CNKSR3: variants seen among roughly 807,000 people sequenced by gnomAD.
The protein encoded by CNKSR3 is connector enhancer of kinase suppressor of ras 3.
In CNKSR3, 36 loss-of-function variants were observed where a neutral mutation model predicts 67.7. The observed-to-expected ratio is 0.53, with a 90% CI of 0.41 to 0.70. CNKSR3 has a LOEUF of 0.70. Ranked by LOEUF, CNKSR3 falls within the 30% of genes least tolerant of loss-of-function variation. CNKSR3 has a pLI of 0.00. For synonymous variants in CNKSR3, 281 were observed against 271.4 expected, an observed-to-expected ratio of 1.04 and a Z score of -0.35; for missense variants, 630 against 695.2, an observed-to-expected ratio of 0.91 and a Z score of 1.05.
intron 1 of CNKSR3, among the ~76,000 whole-genome samples, chr6:154,504,629 A>G (rs960453062): frequency 1.3e-5 from 2 of 152,176 alleles, no homozygotes; most frequent in African/African-American, 2.4e-5. Flanking sequence ...TAATTAGGGG[A>G]CCCTGAGCAA....
chr6:154,433,523 G>A lies in CNKSR3; in HGVS notation c.508-16C>T, dbSNP rs1286666183. 9.3e-5 allele frequency: 147 copies of A among 1,575,680 alleles called. No individual in the cohort carries two copies. The highest frequency in any genetic ancestry group is 1.2e-4 in the Non-Finnish European group (140 of 1,152,404). On this transcript the variant is annotated splice_polypyrimidine_tract_variant and intron_variant, in intron 4 of 12. Transcript: ENST00000607772. ...CAAAGCAATCCTAAAGAAGGGGATGGAGAAAATGAATACTAAGTACAAGAG... is the reference window on the plus strand; with the variant it reads ...CAAAGCAATCCTAAAGAAGGGGATGAAGAAAATGAATACTAAGTACAAGAG...
chr6:154,444,757 C>T (rs558687989), intron 2 of CNKSR3, among the ~76,000 whole-genome samples: 58 of 152,202 alleles, frequency 3.8e-4, no homozygotes, highest in African/African-American at 1.3e-3. Flanking sequence ...AGGCAAGTGC[C>T]ACCATGCTCA....
chr6:154,430,685 G>T, intron 5 of CNKSR3, 94 bp from the exon 6 acceptor site: 1 of 1,189,260 alleles, frequency 8.4e-7, no homozygotes, highest in Non-Finnish European at 1.2e-6. Context: ...ACCTATAATT[G>T]TTAGTTCTGG....
intron 1 of CNKSR3, among the ~76,000 whole-genome samples, chr6:154,451,789 G>A (rs1785838881): frequency 6.6e-6 from 1 of 152,094 alleles, no homozygotes; most frequent in South Asian, 2.1e-4. Flanking sequence ...GGAAGAGGAA[G>A]TAATAAAAAA....
intron 1 of CNKSR3, among the ~76,000 whole-genome samples, chr6:154,459,992 A>G (rs1386461471): frequency 1.3e-5 from 2 of 151,982 alleles, no homozygotes; most frequent in Non-Finnish European, 2.9e-5. Flanking sequence ...CTCAACCCCA[A>G]CCCCAACAGA....
intron 2 of CNKSR3, among the ~76,000 whole-genome samples, chr6:154,448,636 C>T (rs1347872627): frequency 6.6e-6 from 1 of 152,072 alleles, no homozygotes; most frequent in Non-Finnish European, 1.5e-5. Flanking sequence ...CAAATTCCTG[C>T]TTCCCAGACC....
intron 1 of CNKSR3, among the ~76,000 whole-genome samples, chr6:154,493,014 A>G (rs1786811906): frequency 6.6e-6 from 1 of 152,178 alleles, no homozygotes; most frequent in South Asian, 2.1e-4. Context: ...CAAAGCCACC[A>G]TTATCATTTT....
rs1464040241 is a variant in CNKSR3 at position 154,390,852 on chromosome 6, G to A, written c.*15502C>T. ...GTCTCACTCTGTTGCCCAGGCTGGA[G>A]TGCAGTGGCTCCATCTCGGCTCACT... On this transcript the variant is annotated 3_prime_UTR_variant, in exon 13 of 13. Coordinates refer to ENST00000607772, the MANE Select transcript of CNKSR3 (RefSeq NM_173515.4). 2.8e-5 allele frequency: 4 copies of A among 145,162 alleles called. No individual in the cohort carries two copies. The highest frequency in any genetic ancestry group is 7.2e-5 in the Admixed American group (1 of 13,808). The allele number at this position is 145,162 out of a possible 1,614,324, so 9.0% of individuals were successfully genotyped here.
At chr6:154,448,379 C>G (rs1382682238) in intron 2 of CNKSR3, among the ~76,000 whole-genome samples, 1 of 138,488 alleles carries the variant, frequency 7.2e-6, no homozygotes, top group African/African-American at 2.7e-5. Flanking sequence ...GCAGAAAAGA[C>G]GGAAAAGCCA....
chr6:154,446,178 C>G (rs140452694), intron 2 of CNKSR3, among the ~76,000 whole-genome samples: 3 of 152,238 alleles, frequency 2.0e-5, no homozygotes, highest in East Asian at 3.9e-4. Context: ...GTTCACCATC[C>G]GGGATCCTTT....
intron 1 of CNKSR3, among the ~76,000 whole-genome samples, chr6:154,452,330 C>A (rs1339527806): frequency 6.6e-6 from 1 of 152,176 alleles, no homozygotes; most frequent in Non-Finnish European, 1.5e-5. Flanking sequence ...CCAACAACTT[C>A]TTAAATCAAC....
rs148472964 is a variant in CNKSR3, at chr6:154,431,430, G to A, written c.550-839C>T. 1.7e-3 allele frequency among the ~76,000 whole-genome samples: 209 copies of A among 124,986 alleles called. 4 individuals are homozygous for A. In the East Asian group the frequency reaches 0.04, roughly 24 times the overall value. The allele number at this position is 124,986 out of a possible 152,430, so 82.0% of individuals were successfully genotyped here. On this transcript the variant is annotated intron_variant, in intron 5 of 12. Transcript: ENST00000607772. ...TGCACTCTAGCCTGGGTAACAGAGCGAGACTCTGTCAAAAAAAAAAAAAAA... is the reference window on the plus strand; with the variant it reads ...TGCACTCTAGCCTGGGTAACAGAGCAAGACTCTGTCAAAAAAAAAAAAAAA...
At chr6:154,479,713 A>G (rs1357644610) in intron 1 of CNKSR3, among the ~76,000 whole-genome samples, 5 of 152,230 alleles carry the variant, frequency 3.3e-5, no homozygotes, top group African/African-American at 1.2e-4. Flanking sequence ...TTGTGCTTAC[A>G]TATTTCAAGA....
intron 1 of CNKSR3, among the ~76,000 whole-genome samples, chr6:154,457,823 T>C (rs1472736012): frequency 1.3e-5 from 2 of 152,142 alleles, no homozygotes; most frequent in African/African-American, 2.4e-5. Flanking sequence ...TCCCAGTCCA[T>C]TAGCTCAACA....
chr6:154,449,747 T>G (rs1192341053), intron 2 of CNKSR3, among the ~76,000 whole-genome samples: 1 of 152,222 alleles, frequency 6.6e-6, no homozygotes, highest in Non-Finnish European at 1.5e-5. Flanking sequence ...TTAATAAATA[T>G]TTTAGGCTTT....
At chr6:154,480,370 A>G (rs1471731289) in intron 1 of CNKSR3, among the ~76,000 whole-genome samples, 2 of 152,160 alleles carry the variant, frequency 1.3e-5, no homozygotes, top group Non-Finnish European at 2.9e-5. Flanking sequence ...GTGAGGATTC[A>G]ACACGGGTTA....
In CNKSR3 at chr6:154,450,127, C is replaced by T. The variant is rs41292920; in HGVS notation, c.184G>A (p.Val62Met). The change falls in exon 2 of 13, where the codon GTG becomes ATG. Residue 62 changes from valine (V) to methionine (M), a missense_variant. This residue lies in a region of CNKSR3 where 189 missense variants were observed against 205.0 expected (regional missense o/e 0.92). Transcript: ENST00000607772. The stretch of plus-strand genomic sequence containing the variant: ...CAGAGAAGGTCCACAGCCTCCAACA[C>T]AAGCTCCTGGTGTCCAATCCGTGTG... ...GVTRIGHQELVLEAVDLLCAL... is the reference protein window; with the variant it reads ...GVTRIGHQELMLEAVDLLCAL... 16,553 of 1,614,158 alleles carry T rather than the reference C, an allele frequency of 0.01. 102 individuals carry two copies. Among genetic ancestry groups the T allele is most frequent in the Non-Finnish European group, 0.012 (14,048 of 1,180,004 alleles).
At position 154,422,953 on chromosome 6, in the gene CNKSR3, C is replaced by A. The variant is rs911045843; in HGVS notation, c.760G>T (p.Ala254Ser). 3 of 1,613,176 alleles carry A rather than the reference C, an allele frequency of 1.9e-6. No individual in the cohort carries two copies. Among genetic ancestry groups the A allele is most frequent in the African/African-American group, 2.7e-5 (2 of 75,026 alleles). Residue 254 changes from alanine (A) to serine (S), a missense_variant, in exon 8 of 13, where the codon GCT (alanine) becomes TCT (serine). This residue lies in a region of CNKSR3 where 133 missense variants were observed against 190.6 expected (regional missense o/e 0.70). Coordinates refer to ENST00000607772, the MANE Select transcript of CNKSR3 (RefSeq NM_173515.4). ...SPADRSQKIH[A>S]GDEVIQVNQQ... ...TTAACTTGAATGACTTCGTCACCAG[C>A]ATGAATCTTCTGAGATCTGTCTGCA...
At chr6:154,475,737 T>C (rs1786431960) in intron 1 of CNKSR3, among the ~76,000 whole-genome samples, 1 of 152,242 alleles carries the variant, frequency 6.6e-6, no homozygotes, top group East Asian at 1.9e-4. Context: ...TTCCAAGTAC[T>C]GTGGCTAGCT....
Sources: gnomAD v4.1 joint callset for allele counts (sites outside exome capture counted in the v4.1 genomes callset) on GRCh38, gnomAD v4.1.1 for gene constraint, gnomAD v4.1.1 regional missense constraint, MANE v1.5 for transcripts, NCBI Gene and HGNC (gene_info 2026-07-23, HGNC 2026-07-21) for gene names.